Variants in EFHC2 observed in about 807,000 individuals in gnomAD.
The protein encoded by EFHC2 is EF-hand domain containing 2, also known as EF-hand domain-containing family member C2.
In EFHC2, 18 loss-of-function variants were observed where a neutral mutation model predicts 52.7. That is an observed-to-expected ratio of 0.34 (90% confidence interval 0.24 to 0.51). The LOEUF is 0.51. EFHC2 is among the 20% of genes least tolerant of loss of function. The pLI, the probability that EFHC2 is intolerant of heterozygous loss-of-function variation, is 0.97. For synonymous variants in EFHC2, 203 were observed against 204.1 expected, an observed-to-expected ratio of 0.99 and a Z score of 0.04; for missense variants, 513 against 562.5, an observed-to-expected ratio of 0.91 and a Z score of 0.89.
intron 10 of EFHC2, among the ~76,000 whole-genome samples, chrX:44,230,323 T>C (rs185032495): frequency 8.9e-6 from 1 of 111,918 alleles, no homozygotes; most frequent in Admixed American, 9.5e-5. Flanking sequence ...GACTAGCTTT[T>C]TGACTTGGTA....
chrX:44,306,429 A>C (rs1477448200), intron 2 of EFHC2, among the ~76,000 whole-genome samples: 3 of 111,096 alleles, frequency 2.7e-5, no homozygotes, highest in Non-Finnish European at 5.7e-5. Flanking sequence ...CACGAGCCCC[A>C]CCCAATAAAT....
Position 44,165,187 on chromosome X carries a change from A to T in EFHC2, c.2043-1160T>A, listed in dbSNP as rs5953257. Among the ~76,000 whole-genome samples, 891 of 111,902 alleles carry T rather than the reference A, an allele frequency of 8.0e-3. 7 individuals are homozygous for T. Among genetic ancestry groups the T allele is most frequent in the African/African-American group, 0.027 (847 of 30,878 alleles). On this transcript the variant is annotated intron_variant, in intron 13 of 14. Transcript: ENST00000420999. ...CAAAGATTTTTCTCTTTTCTTCTCA[A>T]AGTACTAAAAAATTAATAGCTTATA...
At chrX:44,243,022 C>T (rs1038997452) in intron 7 of EFHC2, among the ~76,000 whole-genome samples, 4 of 111,656 alleles carry the variant, frequency 3.6e-5, no homozygotes, top group African/African-American at 6.5e-5. Context: ...GAGTGCTACG[C>T]GGTAAATACT....
chrX:44,154,450 C>A (rs971786023), intron 14 of EFHC2, among the ~76,000 whole-genome samples: 3 of 110,911 alleles, frequency 2.7e-5, no homozygotes, highest in Non-Finnish European at 3.8e-5. Flanking sequence ...ACCTGCAATT[C>A]CACCATTTGG....
At chrX:44,187,884 T>A (rs754752249) in intron 11 of EFHC2, among the ~76,000 whole-genome samples, 20 of 109,846 alleles carry the variant, frequency 1.8e-4, no homozygotes, top group Non-Finnish European at 3.8e-4. Context: ...CCATCAGCAA[T>A]GAGTAAGAGC....
At chrX:44,260,146 C>T (rs2037527135) in intron 4 of EFHC2, among the ~76,000 whole-genome samples, 1 of 111,300 alleles carries the variant, frequency 9.0e-6, no homozygotes, top group African/African-American at 3.3e-5. Flanking sequence ...TCGATAAACA[C>T]ATGAGGGGAC....
chrX:44,331,250 A>G (rs2038084618), intron 1 of EFHC2, among the ~76,000 whole-genome samples: 1 of 112,498 alleles, frequency 8.9e-6, no homozygotes, highest in Non-Finnish European at 1.9e-5. Context: ...CCAGGGACTT[A>G]TACCAAGTGG....
intron 11 of EFHC2, among the ~76,000 whole-genome samples, chrX:44,207,032 G>A (rs2037053663): frequency 9.0e-6 from 1 of 111,109 alleles, no homozygotes; most frequent in South Asian, 3.8e-4. Context: ...ATAGATCAAT[G>A]GAAAAGAATA....
At chrX:44,248,506 T>C (rs2037417438) in intron 6 of EFHC2, 96 bp from the exon 7 acceptor site, 1 of 975,238 alleles carries the variant, frequency 1.0e-6, no homozygotes, top group Non-Finnish European at 1.4e-6. Flanking sequence ...AAAATAAAAC[T>C]TCAATCTTTA....
intron 4 of EFHC2, among the ~76,000 whole-genome samples, chrX:44,258,718 G>A (rs2037513103): frequency 9.1e-6 from 1 of 110,254 alleles, no homozygotes; most frequent in African/African-American, 3.3e-5. Context: ...TTAGCCGGGT[G>A]TGGTGGCAGG....
At chrX:44,310,381 G>C in intron 2 of EFHC2, 2 of 976,215 alleles carry the variant, frequency 2.0e-6, no homozygotes, top group Non-Finnish European at 2.8e-6. Context: ...CCGGCGGCCT[G>C]TTCACCTTGT....
intron 8 of EFHC2, among the ~76,000 whole-genome samples, chrX:44,241,669 G>A (rs2037360036): frequency 8.9e-6 from 1 of 112,412 alleles, no homozygotes; most frequent in African/African-American, 3.2e-5. Flanking sequence ...CATAAAAAAA[G>A]TCTTATTGGA....
chrX:44,181,532 A>G (rs1239386213), intron 11 of EFHC2, among the ~76,000 whole-genome samples: 1 of 112,571 alleles, frequency 8.9e-6, no homozygotes, highest in African/African-American at 3.2e-5. Flanking sequence ...TTTCCTTTTC[A>G]TTGGATAAAC....
At chrX:44,301,058 C>T (rs7051532) in intron 2 of EFHC2, among the ~76,000 whole-genome samples, 6,315 of 98,235 alleles carry the variant, frequency 0.064, 457 homozygotes, top group African/African-American at 0.21. Context: ...TGCAGTGAGC[C>T]AAGATCACGC....
At chrX:44,293,343 T>C (rs902208225) in intron 2 of EFHC2, among the ~76,000 whole-genome samples, 4 of 111,527 alleles carry the variant, frequency 3.6e-5, no homozygotes, top group Non-Finnish European at 5.6e-5. Context: ...TCTTGTTCTG[T>C]TATGGATGCA....
intron 2 of EFHC2, among the ~76,000 whole-genome samples, chrX:44,307,162 G>A (rs1345998207): frequency 9.0e-6 from 1 of 110,617 alleles, no homozygotes; most frequent in African/African-American, 3.3e-5. Context: ...GTCACAGCTG[G>A]GGGTGGGGGA....
chrX:44,178,169 A>ACACACACAC (rs3037408), intron 12 of EFHC2, among the ~76,000 whole-genome samples, 198 bp downstream of exon 12: 14 of 107,409 alleles, frequency 1.3e-4, no homozygotes, highest in East Asian at 2.9e-4. Flanking sequence ...ACACACACAC[A>ACACACACAC]AGCTCTCCAT....
intron 2 of EFHC2, among the ~76,000 whole-genome samples, chrX:44,307,164 G>A (rs1277527149): frequency 9.0e-6 from 1 of 110,523 alleles, no homozygotes; most frequent in African/African-American, 3.3e-5. Context: ...CACAGCTGGG[G>A]GTGGGGGATC....
At chrX:44,244,106 G>T (rs1357705836) in intron 7 of EFHC2, among the ~76,000 whole-genome samples, 1 of 112,014 alleles carries the variant, frequency 8.9e-6, no homozygotes, top group Non-Finnish European at 1.9e-5. Context: ...TAGAATTACA[G>T]GGCTTATACC....
Sources: gnomAD v4.1 joint callset for allele counts (sites outside exome capture counted in the v4.1 genomes callset) on GRCh38, gnomAD v4.1.1 for gene constraint, MANE v1.5 for transcripts, NCBI Gene and HGNC (gene_info 2026-07-23, HGNC 2026-07-21) for gene names.